The following HPGDS variants were observed in gnomAD, a reference collection of about 807,000 sequenced individuals.
The protein encoded by HPGDS is GST class-sigma.
Under a neutral mutation model 23.1 loss-of-function variants are expected in HPGDS, and 26 were observed. The observed-to-expected ratio is 1.13, with a 90% CI of 0.83 to 1.56. The LOEUF is 1.56. Ranked by LOEUF, HPGDS falls within the 40% of genes most tolerant of loss-of-function variation. The probability of loss-of-function intolerance (pLI) is 0.00; values close to 1 mark genes in which losing one functional copy is unlikely to be tolerated. For missense variants in HPGDS, 268 were observed against 236.4 expected, an observed-to-expected ratio of 1.13 and a Z score of -0.88; for synonymous variants, 95 against 77.9, an observed-to-expected ratio of 1.22 and a Z score of -1.16.
chr4:94,326,095 C>G (rs1756626814), intron 2 of HPGDS, among the ~76,000 whole-genome samples: 1 of 151,736 alleles, frequency 6.6e-6, no homozygotes, highest in Non-Finnish European at 1.5e-5. Flanking sequence ...TGACTTGACA[C>G]TTTTCTGTCA....
chr4:94,312,384 A>G (rs1756293873), intron 3 of HPGDS, among the ~76,000 whole-genome samples: 1 of 152,108 alleles, frequency 6.6e-6, no homozygotes, highest in South Asian at 2.1e-4. Flanking sequence ...TTCTGCCTTC[A>G]TTTCGTTATG....
intron 3 of HPGDS, among the ~76,000 whole-genome samples, chr4:94,317,473 C>T (rs1756420280): frequency 6.6e-6 from 1 of 152,068 alleles, no homozygotes; most frequent in Non-Finnish European, 1.5e-5. Flanking sequence ...AAGGACATTA[C>T]TGAGTATATA....
At chr4:94,306,473 C>T (rs571279051) in intron 4 of HPGDS, among the ~76,000 whole-genome samples, 1 of 151,974 alleles carries the variant, frequency 6.6e-6, no homozygotes, top group Non-Finnish European at 1.5e-5. Flanking sequence ...GTGAATGGCA[C>T]CTGTGAAGGG....
chr4:94,335,755 C>G (rs1194791310), intron 1 of HPGDS, among the ~76,000 whole-genome samples: 1 of 152,012 alleles, frequency 6.6e-6, no homozygotes, highest in African/African-American at 2.4e-5. Flanking sequence ...ATTATGGTAA[C>G]TAAATGAATA....
At chr4:94,325,081 A>G (rs1315308274) in intron 2 of HPGDS, among the ~76,000 whole-genome samples, 2 of 152,088 alleles carry the variant, frequency 1.3e-5, no homozygotes, top group African/African-American at 4.8e-5. Context: ...CCATTATATC[A>G]CCAGCGGAGG....
At position 94,302,163 on chromosome 4, in the gene HPGDS, A is replaced by G. The variant is rs1264090856; in HGVS notation, c.418T>C (p.Trp140Arg). ...ATACTCACAGAGTTACCAATAAGCC[A>G]TTCTCTCCCCCCTAAATATGTGTCC... is the stretch of plus-strand genomic sequence containing the variant. ...DLDTYLGGREWLIGNSVTWAD... is the reference protein window; with the variant it reads ...DLDTYLGGRERLIGNSVTWAD... Residue 140 changes from tryptophan to arginine, a missense_variant, in exon 5 of 6, where the codon TGG (tryptophan) becomes CGG (arginine). By Grantham distance (101) the Trp-to-Arg change is moderately radical (BLOSUM62 -3). Coordinates refer to ENST00000295256, the MANE Select transcript of HPGDS (RefSeq NM_014485.3). The G allele has an allele frequency of 1.9e-6, 3 of 1,610,188 alleles. No homozygotes were observed. The highest frequency in any genetic ancestry group is 2.2e-5 in the East Asian group (1 of 44,762).
chr4:94,319,982 G>A (rs569652302), intron 2 of HPGDS, among the ~76,000 whole-genome samples: 2 of 152,152 alleles, frequency 1.3e-5, no homozygotes, highest in East Asian at 1.9e-4. Flanking sequence ...TCATTGTTCA[G>A]TTCCCACCTA....
At chr4:94,320,791 CT>C (rs1459871008) in intron 2 of HPGDS, among the ~76,000 whole-genome samples, 1 of 152,152 alleles carries the variant, frequency 6.6e-6, no homozygotes, top group East Asian at 1.9e-4. Flanking sequence ...TCAATTTTGG[CT>C]TTTGTTGCCA....
chr4:94,320,800 C>A (rs1192880319), intron 2 of HPGDS, among the ~76,000 whole-genome samples: 1 of 152,114 alleles, frequency 6.6e-6, no homozygotes, highest in Non-Finnish European at 1.5e-5. Flanking sequence ...GCTTTTGTTG[C>A]CATTGCTTTT....
chr4:94,334,919 C>T (rs1298824924), intron 1 of HPGDS, among the ~76,000 whole-genome samples: 1 of 152,206 alleles, frequency 6.6e-6, no homozygotes, highest in African/African-American at 2.4e-5. Flanking sequence ...AGGGTAACTA[C>T]ACCCCAACCT....
chr4:94,331,981 T>G (rs2126045130), intron 2 of HPGDS, among the ~76,000 whole-genome samples: 1 of 152,204 alleles, frequency 6.6e-6, no homozygotes, highest in African/African-American at 2.4e-5. Flanking sequence ...CCTGATTGGT[T>G]CTTTCTGAAT....
intron 1 of HPGDS, among the ~76,000 whole-genome samples, chr4:94,341,405 C>CT (rs1721171810): frequency 6.6e-6 from 1 of 152,210 alleles, no homozygotes; most frequent in Non-Finnish European, 1.5e-5. Flanking sequence ...TTTCAACTCT[C>CT]TGACAACACA....
At chr4:94,311,631 A>G (rs985213682) in intron 3 of HPGDS, among the ~76,000 whole-genome samples, 23 of 151,366 alleles carry the variant, frequency 1.5e-4, no homozygotes, top group Non-Finnish European at 3.1e-4. Context: ...AGGCTTTGGT[A>G]TCAGGATGAT....
intron 1 of HPGDS, among the ~76,000 whole-genome samples, chr4:94,335,579 TTA>T (rs1427789620): frequency 6.6e-6 from 1 of 152,224 alleles, no homozygotes; most frequent in Non-Finnish European, 1.5e-5. Context: ...AGACCACTTT[TTA>T]TAAATAGTGA....
At chr4:94,339,859 G>T (rs1462341122) in intron 1 of HPGDS, among the ~76,000 whole-genome samples, 1 of 152,100 alleles carries the variant, frequency 6.6e-6, no homozygotes, top group Admixed American at 6.5e-5. Context: ...CTTCATGGTA[G>T]TAAATAAGTC....
At chr4:94,336,443 T>G (rs1184619412) in intron 1 of HPGDS, among the ~76,000 whole-genome samples, 1 of 152,104 alleles carries the variant, frequency 6.6e-6, no homozygotes, top group African/African-American at 2.4e-5. Flanking sequence ...TGTCCAGATG[T>G]TGTGGAGTGA....
At chr4:94,331,561 C>A (rs1321630331) in intron 2 of HPGDS, among the ~76,000 whole-genome samples, 1 of 152,104 alleles carries the variant, frequency 6.6e-6, no homozygotes, top group Admixed American at 6.6e-5. Context: ...AACTCTCGAT[C>A]GTTCATTAAC....
chr4:94,302,168 C>G lies in HPGDS; in HGVS notation c.413G>C (p.Arg138Thr), dbSNP rs759458688. Residue 138 changes from arginine (R) to threonine (T), a missense_variant, in exon 5 of 6, where the codon AGA becomes ACA. Transcript: ENST00000295256. ...MQDLDTYLGG[R>T]EWLIGNSVTW... Reference sequence around the variant, plus strand: ...CACAGAGTTACCAATAAGCCATTCTCTCCCCCCTAAATATGTGTCCAAGTC... The same window carrying G: ...CACAGAGTTACCAATAAGCCATTCTGTCCCCCCTAAATATGTGTCCAAGTC... The G allele has an allele frequency of 8.7e-6, 14 of 1,611,342 alleles. No homozygotes were observed. The South Asian group carries it at 1.5e-4, about 18-fold the overall frequency.
At chr4:94,312,364 A>G (rs1337660364) in intron 3 of HPGDS, among the ~76,000 whole-genome samples, 4 of 152,258 alleles carry the variant, frequency 2.6e-5, no homozygotes, top group African/African-American at 9.6e-5. Flanking sequence ...GTTTCAAAGA[A>G]CATCGTTATT....
Sources: gnomAD v4.1 joint callset for allele counts (sites outside exome capture counted in the v4.1 genomes callset) on GRCh38, gnomAD v4.1.1 for gene constraint, MANE v1.5 for transcripts, NCBI Gene and HGNC (gene_info 2026-07-23, HGNC 2026-07-21) for gene names.